Variants in CLCN5 observed in about 807,000 individuals in gnomAD.
CLCN5 encodes Cl-/H+ antiporter 5, also known as H(+)/Cl(-) exchange transporter 5.
A neutral mutation model predicts 54.0 loss-of-function variants in CLCN5; 17 were observed. That is an observed-to-expected ratio of 0.31 (90% CI 0.22 to 0.47). CLCN5 has a LOEUF of 0.47. CLCN5 is among the 20% of genes least tolerant of loss of function. The pLI is 1.00. For synonymous variants in CLCN5, 222 were observed against 233.0 expected (o/e 0.95, Z 0.43); for missense variants, 448 against 646.7 (o/e 0.69, Z 3.33).
intron 3 of CLCN5, among the ~76,000 whole-genome samples, chrX:49,954,159 G>T (rs1927196114): frequency 9.0e-6 from 1 of 110,679 alleles, no homozygotes; most frequent in Non-Finnish European, 1.9e-5. Flanking sequence ...TTCCTCTATG[G>T]TTTGTACTTT....
chrX:50,057,953 G>A (rs1466180634), intron 4 of CLCN5, among the ~76,000 whole-genome samples: 1 of 110,681 alleles, frequency 9.0e-6, no homozygotes. Context: ...AGCAGGATGC[G>A]GGTATGGAAG....
intron 3 of CLCN5, chrX:50,009,931 G>T: frequency 3.6e-6 from 1 of 281,375 alleles, no homozygotes. Context: ...ACCATGATGG[G>T]CATTGGACAC....
Position 50,003,025 on chromosome X carries a change from TGAA to T in CLCN5, c.17-39289_17-39287del. ...ATATGTTGTAGATAGTGAACATTTCTGAAGGTACATATGTGAATGTACACAAGC... is the reference window on the plus strand; with the variant it reads ...ATATGTTGTAGATAGTGAACATTTCTGGTACATATGTGAATGTACACAAGC... On this transcript the variant is annotated intron_variant, in intron 3 of 14. Coordinates refer to ENST00000376091, the MANE Select transcript of CLCN5 (RefSeq NM_001127898.4). 9 of 244,399 alleles carry T rather than the reference TGAA, an allele frequency of 3.7e-5. No homozygotes were observed. The South Asian group carries it at 4.1e-4, about 11-fold the overall frequency. The allele number at this position is 244,399 out of a possible 1,213,427, so 20.1% of individuals were successfully genotyped here. A position where few individuals can be genotyped will look rare whatever the true frequency, so the allele number is the denominator to read the frequency against.
chrX:50,039,839 C>T (rs1932149146), intron 3 of CLCN5, among the ~76,000 whole-genome samples: 1 of 110,452 alleles, frequency 9.1e-6, no homozygotes, highest in Admixed American at 9.7e-5. Context: ...ATTACAGGCA[C>T]ACACCACCAC....
At chrX:50,039,062 T>C (rs782145918) in intron 3 of CLCN5, among the ~76,000 whole-genome samples, 17 of 111,673 alleles carry the variant, frequency 1.5e-4, no homozygotes, top group Non-Finnish European at 3.0e-4. Flanking sequence ...GAGGATTGCT[T>C]GAGCCCAGGA....
intron 3 of CLCN5, among the ~76,000 whole-genome samples, chrX:50,006,975 C>T (rs1479908650): frequency 9.0e-6 from 1 of 111,150 alleles, no homozygotes; most frequent in Non-Finnish European, 1.9e-5. Flanking sequence ...CCCCCAAGCA[C>T]CCCACCTTGT....
chrX:50,015,148 G>A (rs1430841334), intron 3 of CLCN5, among the ~76,000 whole-genome samples: 3 of 111,251 alleles, frequency 2.7e-5, no homozygotes, highest in African/African-American at 9.8e-5. Context: ...TAAGGATGCA[G>A]TGACAAACGA....
chrX:49,980,462 G>A (rs782111455), intron 3 of CLCN5, among the ~76,000 whole-genome samples: 3 of 111,765 alleles, frequency 2.7e-5, no homozygotes, highest in Non-Finnish European at 1.9e-5. Context: ...AAAAATGTAT[G>A]AAAGGTTGCC....
chrX:49,965,663 TG>T (rs1227677962), intron 3 of CLCN5, among the ~76,000 whole-genome samples: 1 of 112,008 alleles, frequency 8.9e-6, no homozygotes, highest in East Asian at 2.8e-4. Flanking sequence ...GAAAAGAAGT[TG>T]TGAGAACCTT....
chrX:50,039,927 A>G (rs1485779503), intron 3 of CLCN5, among the ~76,000 whole-genome samples: 5 of 111,657 alleles, frequency 4.5e-5, no homozygotes, highest in Non-Finnish European at 9.4e-5. Flanking sequence ...TCCTGACCTC[A>G]GGTGATCCAC....
intron 4 of CLCN5, among the ~76,000 whole-genome samples, chrX:50,066,314 C>T (rs781848777): frequency 8.5e-4 from 94 of 111,007 alleles, no homozygotes; most frequent in Non-Finnish European, 1.5e-3. Context: ...TTCAATCCTC[C>T]TCCTTAATGC....
intron 3 of CLCN5, among the ~76,000 whole-genome samples, chrX:50,013,499 A>G (rs1930628521): frequency 2.7e-5 from 3 of 111,088 alleles, no homozygotes; most frequent in Admixed American, 1.9e-4. Context: ...GGCCTAGGCA[A>G]CAGACACAGG....
At chrX:50,053,410 C>T (rs1036580451) in intron 4 of CLCN5, among the ~76,000 whole-genome samples, 7 of 110,972 alleles carry the variant, frequency 6.3e-5, no homozygotes, top group Non-Finnish European at 9.5e-5. Context: ...TTTGTGTCTC[C>T]GCTCTTTTTT....
chrX:50,047,560 T>TA (rs1557187908), intron 4 of CLCN5, among the ~76,000 whole-genome samples: 1 of 111,497 alleles, frequency 9.0e-6, no homozygotes, highest in African/African-American at 3.3e-5. Context: ...TTCCCCCACT[T>TA]ACTTTTTTTT....
chrX:50,058,856 C>G lies in CLCN5; in HGVS notation c.164-11023C>G, dbSNP rs928806896. 2.7e-5 allele frequency among the ~76,000 whole-genome samples: 3 copies of G among 110,421 alleles called. No individual in the cohort carries two copies. The East Asian group carries it at 8.4e-4, about 31-fold the overall frequency. On this transcript the variant is annotated intron_variant, in intron 4 of 14. Transcript: ENST00000376091. ...TTTTTTTTCTTATAGAGACAAAAAT[C>G]TAGACTCACCTAAGTACCCCAACCT...
chrX:50,027,799 G>A (rs1602065532), intron 3 of CLCN5, among the ~76,000 whole-genome samples: 1 of 105,033 alleles, frequency 9.5e-6, no homozygotes, highest in East Asian at 3.0e-4. Flanking sequence ...CTAGGTAAAA[G>A]TGACTGAGGT....
intron 3 of CLCN5, among the ~76,000 whole-genome samples, chrX:50,032,308 A>G: frequency 9.0e-6 from 1 of 111,636 alleles, no homozygotes. Flanking sequence ...GACTTCCACA[A>G]TGGTTGAACT....
intron 3 of CLCN5, among the ~76,000 whole-genome samples, chrX:49,926,854 AT>A (rs1925369068): frequency 9.0e-6 from 1 of 111,682 alleles, no homozygotes; most frequent in South Asian, 3.7e-4. Context: ...GGTTTCTGGA[AT>A]AGTTTAGGGG....
chrX:50,066,176 A>AAAAG (rs1473495816), intron 4 of CLCN5, among the ~76,000 whole-genome samples: 1 of 104,868 alleles, frequency 9.5e-6, no homozygotes, highest in Non-Finnish European at 1.9e-5. Flanking sequence ...AAAAAAAAAA[A>AAAAG]AAAGAAAGAA....
Sources: gnomAD v4.1 joint callset for allele counts (sites outside exome capture counted in the v4.1 genomes callset) on GRCh38, gnomAD v4.1.1 for gene constraint, MANE v1.5 for transcripts, NCBI Gene and HGNC (gene_info 2026-07-23, HGNC 2026-07-21) for gene names.